Variants in ZPLD1 observed in about 807,000 individuals in gnomAD.
The protein encoded by ZPLD1 is zona pellucida like domain containing 1.
Under a neutral mutation model 47.2 loss-of-function variants are expected in ZPLD1, and 34 were observed. The ratio of observed to expected loss-of-function variants is 0.72; its 90% confidence interval spans 0.55 to 0.96. The LOEUF (loss-of-function observed/expected upper bound fraction) is 0.96. ZPLD1 is among the 40% of genes least tolerant of loss of function. The probability of loss-of-function intolerance (pLI) is 0.00; values close to 1 mark genes in which losing one functional copy is unlikely to be tolerated. For synonymous variants in ZPLD1, 176 were observed against 186.2 expected (o/e 0.95, Z 0.45); for missense variants, 512 against 505.8 (o/e 1.01, Z -0.12).
chr3:102,423,683 G>A (rs1006011797), intron 8 of ZPLD1, among the ~76,000 whole-genome samples: 3 of 151,960 alleles, frequency 2.0e-5, no homozygotes, highest in Non-Finnish European at 2.9e-5. Context: ...GAGGGACCTC[G>A]ACTATGATTT....
At position 102,438,470 on chromosome 3, in the gene ZPLD1, T is replaced by A. The variant is rs1395880741; in HGVS notation, c.-8-10T>A. The A allele has an allele frequency of 6.2e-7, 1 of 1,604,354 alleles. No individual in the cohort carries two copies. Among genetic ancestry groups the A allele is most frequent in the Non-Finnish European group, 8.5e-7 (1 of 1,171,284 alleles). ...TGGGAGTGTCCACATGATAGATATC[T>A]CTTTTCCAGGTTTTGCAATGGAACA... On this transcript the variant is annotated splice_polypyrimidine_tract_variant and intron_variant, in intron 2 of 11. Transcript: ENST00000466937.
intron 11 of ZPLD1, 128 bp downstream of exon 11, chr3:102,477,169 G>A (rs1707770789): frequency 2.8e-6 from 3 of 1,083,020 alleles, no homozygotes; most frequent in Non-Finnish European, 4.1e-6. Context: ...AGTTCACTGA[G>A]GGTTTTCAAA....
chr3:102,405,024 C>A (rs1255332609), intron 7 of ZPLD1, among the ~76,000 whole-genome samples: 1 of 151,942 alleles, frequency 6.6e-6, no homozygotes, highest in Non-Finnish European at 1.5e-5. Flanking sequence ...TATCTTTGAG[C>A]TTGTAACAGC....
At chr3:102,459,301 A>G (rs1707470517) in intron 6 of ZPLD1, among the ~76,000 whole-genome samples, 1 of 152,028 alleles carries the variant, frequency 6.6e-6, no homozygotes, top group Non-Finnish European at 1.5e-5. Context: ...TACTAGTTGG[A>G]TTTAATATTA....
Position 102,441,832 on chromosome 3 carries a change from C to T in ZPLD1, c.106+3239C>T, listed in dbSNP as rs145023352. Among the ~76,000 whole-genome samples the T allele has an allele frequency of 6.1e-3, 935 of 152,212 alleles. 14 individuals carry two copies. Among genetic ancestry groups the T allele is most frequent in the African/African-American group, 0.021 (887 of 41,524 alleles). On this transcript the variant is annotated intron_variant, in intron 3 of 11. Coordinates refer to ENST00000466937, the MANE Select transcript of ZPLD1 (RefSeq NM_001329788.2). ...TCACACATATGAATCCTCACTTTACCTGGTAAGTAGGGTGACCATCTGTGT... is the reference window on the plus strand; with the variant it reads ...TCACACATATGAATCCTCACTTTACTTGGTAAGTAGGGTGACCATCTGTGT...
chr3:102,424,507 A>G (rs967113541), intron 8 of ZPLD1, among the ~76,000 whole-genome samples: 1 of 152,124 alleles, frequency 6.6e-6, no homozygotes, highest in Admixed American at 6.6e-5. Flanking sequence ...TTTTCTCTCA[A>G]CATTGTTCTT....
At chr3:102,444,255 C>T (rs1480681474) in intron 3 of ZPLD1, among the ~76,000 whole-genome samples, 2 of 152,178 alleles carry the variant, frequency 1.3e-5, no homozygotes, top group Non-Finnish European at 2.9e-5. Flanking sequence ...AAGTTTGCCT[C>T]AGACTGCTTA....
intron 3 of ZPLD1, among the ~76,000 whole-genome samples, chr3:102,451,943 C>T (rs1298597671): frequency 6.6e-6 from 1 of 152,122 alleles, no homozygotes; most frequent in African/African-American, 2.4e-5. Flanking sequence ...AGGGTTAGGG[C>T]TTCAGCATAT....
intron 6 of ZPLD1, among the ~76,000 whole-genome samples, chr3:102,389,488 A>T (rs562528284): frequency 6.6e-6 from 1 of 152,322 alleles, no homozygotes; most frequent in South Asian, 2.1e-4. Flanking sequence ...AAAATGAAAC[A>T]TTTATTTTTT....
intron 8 of ZPLD1, among the ~76,000 whole-genome samples, chr3:102,428,025 A>T (rs1265188266): frequency 6.6e-6 from 1 of 152,208 alleles, no homozygotes; most frequent in East Asian, 1.9e-4. Context: ...AGAAACAGAT[A>T]TTCTATGCAA....
intron 10 of ZPLD1, among the ~76,000 whole-genome samples, chr3:102,472,707 C>T (rs900601180): frequency 2.2e-4 from 33 of 152,230 alleles, no homozygotes; most frequent in African/African-American, 7.2e-4. Flanking sequence ...TTCCATGGAG[C>T]ATATCTAGAG....
chr3:102,459,453 T>C (rs960955246), intron 6 of ZPLD1, among the ~76,000 whole-genome samples: 3 of 152,196 alleles, frequency 2.0e-5, no homozygotes, highest in Non-Finnish European at 4.4e-5. Flanking sequence ...AATCAAAATT[T>C]TGAAGTGTGG....
intron 10 of ZPLD1, among the ~76,000 whole-genome samples, chr3:102,471,892 A>T (rs1707691535): frequency 6.6e-6 from 1 of 152,208 alleles, no homozygotes. Context: ...AAAAGAGAAT[A>T]ATTCTGATTT....
At chr3:102,428,441 G>A (rs890459917) in intron 8 of ZPLD1, among the ~76,000 whole-genome samples, 3 of 151,974 alleles carry the variant, frequency 2.0e-5, no homozygotes, top group Non-Finnish European at 2.9e-5. Flanking sequence ...CTCAAATCTA[G>A]TCATTCCTCA....
chr3:102,434,256 A>T (rs1278018764), upstream of ZPLD1, among the ~76,000 whole-genome samples: 1 of 152,218 alleles, frequency 6.6e-6, no homozygotes, highest in African/African-American at 2.4e-5. Flanking sequence ...ATTATTTTAT[A>T]TTAAAATCTA....
chr3:102,392,425 G>T (rs1706506109), intron 7 of ZPLD1, among the ~76,000 whole-genome samples: 1 of 152,118 alleles, frequency 6.6e-6, no homozygotes, highest in Non-Finnish European at 1.5e-5. Context: ...CTTCTTGCTG[G>T]TGGGAACCCT....
upstream of ZPLD1, among the ~76,000 whole-genome samples, chr3:102,432,533 A>C (rs1012028923): frequency 6.6e-6 from 1 of 152,220 alleles, no homozygotes; most frequent in Admixed American, 6.5e-5. Flanking sequence ...AAATTAAGGA[A>C]ATTTAAAAGT....
intron 6 of ZPLD1, chr3:102,385,343 A>T (rs1706413791): frequency 6.6e-6 from 1 of 152,176 alleles, no homozygotes; most frequent in Non-Finnish European, 1.5e-5. Flanking sequence ...TTTGATTTTG[A>T]CAGCACTCAC....
intron 7 of ZPLD1, among the ~76,000 whole-genome samples, chr3:102,409,108 TG>T (rs1299110008): frequency 1.3e-5 from 2 of 151,806 alleles, no homozygotes; most frequent in African/African-American, 4.8e-5. Flanking sequence ...TTCTGGAGGC[TG>T]GAAAGTTCAA....
Sources: gnomAD v4.1 joint callset for allele counts (sites outside exome capture counted in the v4.1 genomes callset) on GRCh38, gnomAD v4.1.1 for gene constraint, MANE v1.5 for transcripts, NCBI Gene and HGNC (gene_info 2026-07-23, HGNC 2026-07-21) for gene names.